Variants in MRPL13 observed in about 807,000 individuals in gnomAD.
The protein encoded by MRPL13 is large ribosomal subunit protein uL13m.
In MRPL13, 33 loss-of-function variants were observed where a neutral mutation model predicts 29.0. The ratio of observed to expected loss-of-function variants is 1.14; its 90% CI spans 0.86 to 1.52. The LOEUF (loss-of-function observed/expected upper bound fraction) is 1.52, where lower values mean the gene tolerates loss of function less well. Among genes scored for constraint, MRPL13 ranks in the 40% most tolerant of loss-of-function variants. MRPL13 has a pLI of 0.00. For missense variants in MRPL13, 227 were observed against 216.7 expected (o/e 1.05, Z -0.30); for synonymous variants, 77 against 68.4 (o/e 1.13, Z -0.62).
In MRPL13 at chr8:120,428,098, T is replaced by G. The variant is rs1812952294; in HGVS notation, c.246-2732A>C. ...CCAGCTTCAAACTATACTACAGGGC[T>G]ACAGTAACCAAAACAGCATGGTACT... On this transcript the variant is annotated intron_variant, in intron 3 of 6. Coordinates refer to ENST00000306185, the MANE Select transcript of MRPL13 (RefSeq NM_014078.6). Among the ~76,000 whole-genome samples the G allele has an allele frequency of 2.9e-5, 4 of 138,210 alleles. No individual in the cohort carries two copies. The South Asian group carries it at 9.1e-4, about 31-fold the overall frequency. 90.7% of individuals were successfully genotyped at this position (138,210 alleles called of 152,430 possible). A position where few individuals can be genotyped will look rare whatever the true frequency, so the allele number is the denominator to read the frequency against.
At chr8:120,429,162 G>A (rs1306083650) in intron 3 of MRPL13, among the ~76,000 whole-genome samples, 2 of 151,958 alleles carry the variant, frequency 1.3e-5, no homozygotes, top group African/African-American at 2.4e-5. Context: ...ATACTACATA[G>A]CCATAAAAAA....
At chr8:120,413,181 A>G (rs1812760108) in intron 6 of MRPL13, among the ~76,000 whole-genome samples, 1 of 152,204 alleles carries the variant, frequency 6.6e-6, no homozygotes, top group Non-Finnish European at 1.5e-5. Flanking sequence ...GTCACTTATA[A>G]AAGCTGATAA....
At chr8:120,408,006 G>A (rs1044736506) in intron 6 of MRPL13, among the ~76,000 whole-genome samples, 2 of 152,172 alleles carry the variant, frequency 1.3e-5, no homozygotes, top group African/African-American at 4.8e-5. Flanking sequence ...AACCATTTCA[G>A]GAAATCTGGT....
At chr8:120,406,563 G>A (rs940702579) in intron 6 of MRPL13, among the ~76,000 whole-genome samples, 2 of 36,658 alleles carry the variant, frequency 5.5e-5, no homozygotes, top group Non-Finnish European at 1.2e-4. Flanking sequence ...GCATGTGTGT[G>A]TGTGTGTGTG....
At chr8:120,400,777 G>A (rs1460416900) in intron 6 of MRPL13, among the ~76,000 whole-genome samples, 2 of 151,224 alleles carry the variant, frequency 1.3e-5, no homozygotes, top group African/African-American at 4.8e-5. Context: ...TAATAAAGGA[G>A]AAGAGAGAGG....
chr8:120,421,737 T>C (rs774205908), intron 4 of MRPL13, among the ~76,000 whole-genome samples: 5 of 151,868 alleles, frequency 3.3e-5, no homozygotes, highest in Non-Finnish European at 5.9e-5. Context: ...TTATTGCTCA[T>C]AAACAATAAT....
chr8:120,433,758 A>T (rs1415979739), intron 2 of MRPL13, among the ~76,000 whole-genome samples: 2 of 152,164 alleles, frequency 1.3e-5, no homozygotes, highest in African/African-American at 4.8e-5. Context: ...ACTGTATTTC[A>T]TTAACACTAA....
At chr8:120,401,110 TA>T (rs1215884564) in intron 6 of MRPL13, among the ~76,000 whole-genome samples, 1 of 152,036 alleles carries the variant, frequency 6.6e-6, no homozygotes, top group African/African-American at 2.4e-5. Context: ...GAAACTATTC[TA>T]AAAAATTCAA....
chr8:120,437,283 G>GAGTAGATTT lies in MRPL13; in HGVS notation c.152-5161_152-5160insAAATCTACT, dbSNP rs1219864212. On this transcript the variant is annotated intron_variant, in intron 2 of 6. Coordinates refer to ENST00000306185, the MANE Select transcript of MRPL13 (RefSeq NM_014078.6). Reference sequence around the variant, plus strand: ...CATAAACTTACAAGGCAGAATACTAGAGATCATAAATCTGATCTCTGTTGA... The same window carrying GAGTAGATTT: ...CATAAACTTACAAGGCAGAATACTAGAGTAGATTTAGATCATAAATCTGATCTCTGTTGA... Among the ~76,000 whole-genome samples, 122 of 152,276 alleles carry GAGTAGATTT rather than the reference G, an allele frequency of 8.0e-4. 1 individual carries two copies. The highest frequency in any genetic ancestry group is 2.8e-3 in the African/African-American group (115 of 41,572).
intron 5 of MRPL13, chr8:120,414,595 C>A (rs1054097069): frequency 2.6e-5 from 4 of 152,188 alleles, no homozygotes; most frequent in African/African-American, 9.7e-5. Flanking sequence ...AAAGATCAAG[C>A]CTTCTAAAGG....
intron 5 of MRPL13, among the ~76,000 whole-genome samples, chr8:120,418,865 A>C (rs904008290): frequency 6.6e-6 from 1 of 152,040 alleles, no homozygotes; most frequent in Non-Finnish European, 1.5e-5. Context: ...ACTTATAGCG[A>C]AGACAATAAA....
intron 5 of MRPL13, chr8:120,415,512 T>C (rs774254168): frequency 6.6e-6 from 1 of 152,138 alleles, no homozygotes; most frequent in African/African-American, 2.4e-5. Context: ...ATCACAGAGC[T>C]CTACTGTCCT....
chr8:120,396,583 A>G (rs1812527012), intron 6 of MRPL13, among the ~76,000 whole-genome samples: 1 of 152,206 alleles, frequency 6.6e-6, no homozygotes, highest in Admixed American at 6.5e-5. Context: ...ATCCATATAC[A>G]AAATAAGTGT....
At chr8:120,431,477 A>T (rs1370771886) in intron 3 of MRPL13, among the ~76,000 whole-genome samples, 1 of 152,222 alleles carries the variant, frequency 6.6e-6, no homozygotes, top group African/African-American at 2.4e-5. Flanking sequence ...AAAAAGACTT[A>T]GGAGTTTTAG....
At chr8:120,407,648 T>TAAAACAAAACAAAAC (rs55919521) in intron 6 of MRPL13, among the ~76,000 whole-genome samples, 465 of 146,240 alleles carry the variant, frequency 3.2e-3, no homozygotes, top group Non-Finnish European at 4.8e-3. Context: ...AAACTCCATC[T>TAAAACAAAACAAAAC]AAAACAAAAC....
chr8:120,414,445 C>T lies in MRPL13; in HGVS notation c.394-333G>A, dbSNP rs528409518. 32 of 154,978 alleles carry T rather than the reference C, an allele frequency of 2.1e-4. 2 individuals carry two copies. The highest frequency in any genetic ancestry group is 7.4e-4 in the African/African-American group (31 of 41,662). 9.6% of individuals were successfully genotyped at this position (154,978 alleles called of 1,614,324 possible). A position where few individuals can be genotyped will look rare whatever the true frequency, so the allele number is the denominator to read the frequency against. ...GGTCTACCGGGTTTAGTGCCACTAC[C>T]TTTCAATCAGTGCTCCAACTGTGGC... On this transcript the variant is annotated intron_variant, in intron 5 of 6. Coordinates refer to ENST00000306185, the MANE Select transcript of MRPL13 (RefSeq NM_014078.6).
rs1294366846 is a variant in MRPL13 at position 120,411,124 on chromosome 8, T to C, written c.515+2867A>G. Among the ~76,000 whole-genome samples the C allele has an allele frequency of 7.2e-5, 11 of 152,118 alleles. No homozygotes were observed. In the East Asian group the frequency reaches 1.7e-3, roughly 24 times the overall value. On this transcript the variant is annotated intron_variant, in intron 6 of 6. Transcript: ENST00000306185. ...TTGTTCAGGCTGGAGTGCAGTGGCA[T>C]GATCATGGCTCACTGCAGCTGCAAA...
chr8:120,444,404 C>T (rs1369152672), intron 1 of MRPL13, among the ~76,000 whole-genome samples: 2 of 152,052 alleles, frequency 1.3e-5, no homozygotes, highest in Non-Finnish European at 2.9e-5. Flanking sequence ...GATGACACAC[C>T]CTCCAGTTGG....
At chr8:120,407,595 G>A (rs551737547) in intron 6 of MRPL13, among the ~76,000 whole-genome samples, 10 of 151,944 alleles carry the variant, frequency 6.6e-5, no homozygotes, top group South Asian at 4.2e-4. Context: ...GCAGTGAGCC[G>A]AGATCGCGCC....
Sources: gnomAD v4.1 joint callset for allele counts (sites outside exome capture counted in the v4.1 genomes callset) on GRCh38, gnomAD v4.1.1 for gene constraint, MANE v1.5 for transcripts, NCBI Gene and HGNC (gene_info 2026-07-23, HGNC 2026-07-21) for gene names.